Variants in PLXNA2 observed in about 807,000 individuals in gnomAD.
PLXNA2 encodes plexin A2.
Under a neutral mutation model 193.5 loss-of-function variants are expected in PLXNA2, and 91 were observed. The observed-to-expected ratio is 0.47, with a 90% CI of 0.40 to 0.56. The LOEUF (loss-of-function observed/expected upper bound fraction) is 0.56. Ranked by LOEUF, PLXNA2 falls within the 20% of genes least tolerant of loss-of-function variation. PLXNA2 has a pLI of 0.00. For missense variants in PLXNA2, 1,995 were observed against 2,503.2 expected, an observed-to-expected ratio of 0.80 and a Z score of 4.33; for synonymous variants, 997 against 1,027.3, an observed-to-expected ratio of 0.97 and a Z score of 0.56.
At chr1:208,187,905 C>T (rs1670057883) in intron 3 of PLXNA2, among the ~76,000 whole-genome samples, 1 of 152,168 alleles carries the variant, frequency 6.6e-6, no homozygotes. Context: ...CACTAAATTG[C>T]CCCACGATCC....
chr1:208,209,983 A>ATTTTTTTTTTTTTT (rs1553297870), intron 3 of PLXNA2: 7 of 87,948 alleles, frequency 8.0e-5, no homozygotes, highest in Admixed American at 1.6e-4. Flanking sequence ...ATGAAGAGCA[A>ATTTTTTTTTTTTTT]TTTTTTTTTT....
chr1:208,182,739 G>T (rs947231510), intron 3 of PLXNA2, among the ~76,000 whole-genome samples: 1 of 152,032 alleles, frequency 6.6e-6, no homozygotes, highest in African/African-American at 2.4e-5. Context: ...CAGCCTTTCA[G>T]CTGGGCAGAG....
rs577921894 is a variant in PLXNA2, at chr1:208,095,934, C to T, written c.1982+95G>A. 1.8e-4 allele frequency: 164 copies of T among 915,566 alleles called. 1 individual carries two copies. Among genetic ancestry groups the T allele is most frequent in the African/African-American group, 4.1e-4 (25 of 61,328 alleles). 56.7% of individuals were successfully genotyped at this position (915,566 alleles called of 1,614,324 possible). A position where few individuals can be genotyped will look rare whatever the true frequency, so the allele number is the denominator to read the frequency against. ...TGGGGAAACTGTGAGGTGACTACAA[C>T]GTGGTTCCTGCCCTAAAGGAGCTTA... On this transcript the variant is annotated intron_variant, in intron 8 of 31. Coordinates refer to ENST00000367033, the MANE Select transcript of PLXNA2 (RefSeq NM_025179.4).
intron 3 of PLXNA2, among the ~76,000 whole-genome samples, chr1:208,188,711 A>G (rs1670082445): frequency 6.8e-6 from 1 of 146,084 alleles, no homozygotes; most frequent in East Asian, 2.0e-4. Context: ...CTCTGTCTCA[A>G]AAAAAAAAAA....
chr1:208,058,457 G>A (rs774101582), intron 13 of PLXNA2, among the ~76,000 whole-genome samples: 7 of 152,148 alleles, frequency 4.6e-5, no homozygotes, highest in Admixed American at 6.6e-5. Flanking sequence ...ACTCTGCACC[G>A]GGTCCTTTTA....
chr1:208,188,914 G>A (rs1351187332), intron 3 of PLXNA2, among the ~76,000 whole-genome samples: 1 of 152,140 alleles, frequency 6.6e-6, no homozygotes, highest in Non-Finnish European at 1.5e-5. Context: ...GTAGAGCAAT[G>A]CTTATGTACT....
chr1:208,217,023 G>A lies in PLXNA2; in HGVS notation c.900C>T (p.Cys300=), dbSNP rs1671154074. The A allele has an allele frequency of 1.2e-6, 2 of 1,611,674 alleles. No homozygotes were observed. Among genetic ancestry groups the A allele is most frequent in the African/African-American group, 1.3e-5 (1 of 74,884 alleles). The change falls in exon 2 of 32, where the codon TGC becomes TGT. Residue 300 remains cysteine (C), a synonymous_variant. Transcript: ENST00000367033. The surrounding 1 kb of genome is among the most constrained non-coding windows in gnomAD (Gnocchi z 4.7). ...FHSYVSLPFG[C]TRAGVEYRLL... ...GGCGGTATTCCACCCCGGCCCGGGTGCAGCCGAAGGGCAGGGACACGTATG... is the reference window on the plus strand; with the variant it reads ...GGCGGTATTCCACCCCGGCCCGGGTACAGCCGAAGGGCAGGGACACGTATG...
intron 9 of PLXNA2, 152 bp from the exon 10 acceptor site, chr1:208,084,732 C>A: frequency 1.5e-6 from 1 of 669,602 alleles, no homozygotes; most frequent in South Asian, 1.9e-5. Flanking sequence ...AAAATGGAAT[C>A]GCTCTTAGCT....
chr1:208,168,423 A>G (rs1318820080), intron 3 of PLXNA2, among the ~76,000 whole-genome samples: 1 of 152,204 alleles, frequency 6.6e-6, no homozygotes, highest in Non-Finnish European at 1.5e-5. Context: ...CCTAACATCT[A>G]GGAGGGTGAC....
intron 4 of PLXNA2, among the ~76,000 whole-genome samples, chr1:208,124,437 G>C (rs7515970): frequency 0.44 from 67,017 of 151,630 alleles, 15,044 homozygotes; most frequent in Non-Finnish European, 0.46. Flanking sequence ...CCAGCACTTT[G>C]GGAAGCCGAA....
At chr1:208,127,422 A>G (rs184104368) in intron 4 of PLXNA2, among the ~76,000 whole-genome samples, 60 of 152,312 alleles carry the variant, frequency 3.9e-4, no homozygotes, top group African/African-American at 1.3e-3. Flanking sequence ...CCAGGGACCA[A>G]TGTGGCATGT....
intron 3 of PLXNA2, among the ~76,000 whole-genome samples, chr1:208,168,724 G>GTTTTTTTTTTTTTTTTT (rs10668701): frequency 4.1e-5 from 3 of 73,194 alleles, no homozygotes; most frequent in East Asian, 4.8e-4. Flanking sequence ...AGTATGCGGG[G>GTTTTTTTTTTTTTTTTT]TTTTTTTTTT....
intron 1 of PLXNA2, among the ~76,000 whole-genome samples, chr1:208,233,735 C>T (rs1265142675): frequency 2.0e-5 from 3 of 152,248 alleles, no homozygotes; most frequent in African/African-American, 7.2e-5. Context: ...GTCTCAGCCT[C>T]TTCAAGCTGT....
At chr1:208,201,478 T>C (rs1262953709) in intron 3 of PLXNA2, among the ~76,000 whole-genome samples, 2 of 152,088 alleles carry the variant, frequency 1.3e-5, no homozygotes, top group Non-Finnish European at 2.9e-5. Context: ...CTTCTAAGTA[T>C]TTTTTTCCCA....
chr1:208,113,799 G>C, intron 4 of PLXNA2, among the ~76,000 whole-genome samples: 1 of 152,152 alleles, frequency 6.6e-6, no homozygotes, highest in South Asian at 2.1e-4. Context: ...CAAGTGATCT[G>C]CCCGCCAGAG....
At chr1:208,216,645 G>A in intron 2 of PLXNA2, 90 bp downstream of exon 2, 2 of 1,427,500 alleles carry the variant, frequency 1.4e-6, no homozygotes, top group Non-Finnish European at 9.4e-7. Flanking sequence ...GTCCATGGTG[G>A]TGTGGGAGCA....
At chr1:208,058,096 G>T (rs1401170152) in intron 13 of PLXNA2, among the ~76,000 whole-genome samples, 1 of 152,156 alleles carries the variant, frequency 6.6e-6, no homozygotes, top group Admixed American at 6.5e-5. Flanking sequence ...TGCATAGATG[G>T]TGCCTCGCTC....
At chr1:208,153,868 C>A (rs1393729899) in intron 3 of PLXNA2, among the ~76,000 whole-genome samples, 1 of 152,226 alleles carries the variant, frequency 6.6e-6, no homozygotes, top group African/African-American at 2.4e-5. Flanking sequence ...GAGGGTCTAC[C>A]TCTTTTAAAA....
At chr1:208,237,014 G>C (rs893733197) in intron 1 of PLXNA2, among the ~76,000 whole-genome samples, 1 of 152,190 alleles carries the variant, frequency 6.6e-6, no homozygotes, top group South Asian at 2.1e-4. Context: ...TATAGGATTA[G>C]AGACAGCCTT....
Sources: allele counts gnomAD v4.1 joint callset (sites outside exome capture counted in the v4.1 genomes callset), GRCh38; gene constraint gnomAD v4.1.1; non-coding constraint Gnocchi (gnomAD v3.1); transcripts MANE v1.5; gene names NCBI Gene and HGNC (gene_info 2026-07-23, HGNC 2026-07-21).